The following GAS6 variants were observed in gnomAD, a reference collection of about 807,000 sequenced individuals.
The protein encoded by GAS6 is growth arrest-specific protein 6.
Under a neutral mutation model 75.8 loss-of-function variants are expected in GAS6, and 41 were observed. That is an observed-to-expected ratio of 0.54 (90% confidence interval 0.42 to 0.70). The LOEUF is 0.70. Ranked by LOEUF, GAS6 falls within the 30% of genes least tolerant of loss-of-function variation. The pLI is 0.00. For missense variants in GAS6, 854 were observed against 940.2 expected (o/e 0.91, Z 1.20); for synonymous variants, 432 against 412.6 (o/e 1.05, Z -0.57).
intron 2 of GAS6, among the ~76,000 whole-genome samples, chr13:113,860,485 T>A (rs2051962615): frequency 1.3e-5 from 2 of 151,890 alleles, no homozygotes; most frequent in Admixed American, 1.3e-4. Context: ...AAGGGGTGAT[T>A]ATGGAGACCT....
At chr13:113,838,785 G>C (rs955909682) in intron 5 of GAS6, among the ~76,000 whole-genome samples, 14 of 149,502 alleles carry the variant, frequency 9.4e-5, no homozygotes, top group Non-Finnish European at 1.3e-4. Context: ...AAGGGACCGC[G>C]GGTGTGCACA....
chr13:113,854,438 C>T (rs1314452155), intron 2 of GAS6, among the ~76,000 whole-genome samples: 2 of 152,252 alleles, frequency 1.3e-5, no homozygotes, highest in Non-Finnish European at 2.9e-5. Context: ...CGCCGAGACT[C>T]CCCCTGCATG....
At chr13:113,850,887 T>G (rs562103202) in intron 2 of GAS6, among the ~76,000 whole-genome samples, 5 of 152,234 alleles carry the variant, frequency 3.3e-5, no homozygotes, top group Admixed American at 6.5e-5. Context: ...AATGAATGAA[T>G]GGATGGATGA....
intron 12 of GAS6, among the ~76,000 whole-genome samples, 199 bp from the exon 13 acceptor site, chr13:113,823,749 C>G (rs933500658): frequency 6.6e-6 from 1 of 152,210 alleles, no homozygotes; most frequent in South Asian, 2.1e-4. Flanking sequence ...GACCCCCAGG[C>G]TGTTTCTCCC....
intron 2 of GAS6, among the ~76,000 whole-genome samples, chr13:113,850,209 C>CA (rs2051862520): frequency 6.6e-6 from 1 of 152,126 alleles, no homozygotes; most frequent in Non-Finnish European, 1.5e-5. Flanking sequence ...AAAACCCTCC[C>CA]ACCCCTGTCT....
rs2051511156 is a variant in GAS6, at chr13:113,824,656, G to A, written c.1478-1106C>T. On this transcript the variant is annotated intron_variant, in intron 12 of 14. Coordinates refer to ENST00000327773, the MANE Select transcript of GAS6 (RefSeq NM_000820.4). ...TGTGACTGGGCGCCTCGCACTGCAGGCCAAGGTTGGGGTCAGAGTGAATTG... is the reference window on the plus strand; with the variant it reads ...TGTGACTGGGCGCCTCGCACTGCAGACCAAGGTTGGGGTCAGAGTGAATTG... Among the ~76,000 whole-genome samples the A allele has an allele frequency of 2.0e-5, 3 of 152,148 alleles. 1 individual carries two copies. The South Asian group carries it at 6.2e-4, about 32-fold the overall frequency.
At position 113,859,234 on chromosome 13, in the gene GAS6, G is replaced by C. The variant is rs539028856; in HGVS notation, c.255+4341C>G. On this transcript the variant is annotated intron_variant, in intron 2 of 14. Coordinates refer to ENST00000327773, the MANE Select transcript of GAS6 (RefSeq NM_000820.4). ...ACTGTGTACGTATGTGTACATGTCTGTGTGTGCCTATGTATGCATGTCTGT... is the reference window on the plus strand; with the variant it reads ...ACTGTGTACGTATGTGTACATGTCTCTGTGTGCCTATGTATGCATGTCTGT... Among the ~76,000 whole-genome samples, 49 of 150,614 alleles carry C rather than the reference G, an allele frequency of 3.3e-4. No homozygotes were observed. In the East Asian group the frequency reaches 6.5e-3, roughly 20 times the overall value.
At chr13:113,838,763 T>C (rs1218086885) in intron 5 of GAS6, among the ~76,000 whole-genome samples, 4 of 116,412 alleles carry the variant, frequency 3.4e-5, no homozygotes, top group African/African-American at 6.7e-5. Flanking sequence ...AGCCCAGCAC[T>C]GGAGCAGGAG....
rs2051816852 is a variant in GAS6 at position 113,844,460 on chromosome 13, C to G, written c.343+2067G>C. On this transcript the variant is annotated intron_variant, in intron 4 of 14. Coordinates refer to ENST00000327773, the MANE Select transcript of GAS6 (RefSeq NM_000820.4). The surrounding 1 kb of genome is among the most constrained non-coding windows in gnomAD (Gnocchi z 5.7). ...CCAGAAGTGAACTGAGCAAAGGAAG[C>G]ACGGGACGCACAGGAAGAAAAGTGC... 1 of 150,524 alleles carries G rather than the reference C, an allele frequency of 6.6e-6. No homozygotes were observed. The highest frequency in any genetic ancestry group is 1.5e-5 in the Non-Finnish European group (1 of 68,040). 9.3% of individuals were successfully genotyped at this position (150,524 alleles called of 1,614,324 possible).
At chr13:113,822,309 C>A in intron 13 of GAS6, 123 bp from the exon 14 acceptor site, 1 of 713,218 alleles carries the variant, frequency 1.4e-6, no homozygotes. Flanking sequence ...TCCAGGGTTC[C>A]CTGCAGCCCT....
At chr13:113,851,055 A>G (rs962341875) in intron 2 of GAS6, among the ~76,000 whole-genome samples, 1 of 149,964 alleles carries the variant, frequency 6.7e-6, no homozygotes, top group Non-Finnish European at 1.5e-5. Flanking sequence ...GTGGATAGAG[A>G]TGGATGAATG....
At position 113,832,501 on chromosome 13, in the gene GAS6, A is replaced by G. The variant is rs2051641406; in HGVS notation, c.954-13T>C. ...CTCAGCTACCAGCCTGGGCACCCAC[A>G]GGAGAAATGAGTCAGCACTGGGCAC... is the stretch of plus-strand genomic sequence containing the variant. On this transcript the variant is annotated splice_polypyrimidine_tract_variant and intron_variant, in intron 9 of 14. Coordinates refer to ENST00000327773, the MANE Select transcript of GAS6 (RefSeq NM_000820.4). 2.5e-6 allele frequency: 4 copies of G among 1,594,310 alleles called. No individual in the cohort carries two copies. The highest frequency in any genetic ancestry group is 3.4e-6 in the Non-Finnish European group (4 of 1,168,314).
At chr13:113,857,816 G>A (rs527457894) in intron 2 of GAS6, among the ~76,000 whole-genome samples, 2 of 152,250 alleles carry the variant, frequency 1.3e-5, no homozygotes, top group Admixed American at 1.3e-4. Flanking sequence ...TGAGGGTGTC[G>A]TGTGCAGGGC....
At position 113,845,787 on chromosome 13, in the gene GAS6, G is replaced by A. The variant is rs954002222; in HGVS notation, c.343+740C>T. ...CCTGAAATGACTGATGTCATTTCTC[G>A]CCTGTTACATTGGAAGAGATCAAAA... On this transcript the variant is annotated intron_variant, in intron 4 of 14. Transcript: ENST00000327773. The surrounding 1 kb of genome is among the most constrained non-coding windows in gnomAD (Gnocchi z 4.3). 4.7e-5 allele frequency: 7 copies of A among 150,458 alleles called. No individual in the cohort carries two copies. Among genetic ancestry groups the A allele is most frequent in the South Asian group, 4.2e-4 (2 of 4,768 alleles). The allele number at this position is 150,458 out of a possible 1,614,324, so 9.3% of individuals were successfully genotyped here.
At chr13:113,857,265 C>A (rs568545042) in intron 2 of GAS6, among the ~76,000 whole-genome samples, 1 of 152,172 alleles carries the variant, frequency 6.6e-6, no homozygotes. Flanking sequence ...AATCAACACC[C>A]GTCAGTCAGA....
At position 113,823,179 on chromosome 13, in the gene GAS6, G is replaced by A. The variant is rs143900924; in HGVS notation, c.1653+196C>T. ...GCGCCGGCCCCCTCAGCTGTGTGGC[G>A]GTGACCTGGTGTCCAAACAACCCCC... On this transcript the variant is annotated intron_variant, in intron 13 of 14. Transcript: ENST00000327773. 3.2e-3 allele frequency: 1,786 copies of A among 563,282 alleles called. 15 individuals are homozygous for A. The highest frequency in any genetic ancestry group is 0.019 in the African/African-American group (992 of 52,604). The allele number at this position is 563,282 out of a possible 1,614,324, so 34.9% of individuals were successfully genotyped here.
chr13:113,849,066 T>C (rs6602908), intron 2 of GAS6, among the ~76,000 whole-genome samples: 79,379 of 152,086 alleles, frequency 0.52, 23,166 homozygotes, highest in African/African-American at 0.8. Flanking sequence ...TTGCTGGCCT[T>C]GCCACACCTT....
rs562371589 is a variant in GAS6 at position 113,828,820 on chromosome 13, C to T, written c.1144-109G>A. ...TCCTGAGCCAAGAGGGTCCCGACCT[C>T]GGGGAGGCCACCTGATCCTCACCTG... On this transcript the variant is annotated intron_variant, in intron 10 of 14. Transcript: ENST00000327773. The T allele has an allele frequency of 2.2e-4, 277 of 1,258,072 alleles. No homozygotes were observed. The African/African-American group carries it at 3.2e-3, about 14-fold the overall frequency. 77.9% of individuals were successfully genotyped at this position (1,258,072 alleles called of 1,614,324 possible).
chr13:113,821,016 C>T lies in GAS6; in HGVS notation c.1885G>A (p.Val629Met). The T allele has an allele frequency of 1.2e-6, 2 of 1,612,360 alleles. No homozygotes were observed. The highest frequency in any genetic ancestry group is 1.7e-6 in the Non-Finnish European group (2 of 1,179,820). The change falls in exon 15 of 15, where the codon GTG (valine) becomes ATG (methionine). Residue 629 changes from valine to methionine, a missense_variant and splice_region_variant. By Grantham distance (21) the Val-to-Met change is conservative. Transcript: ENST00000327773. ...GTGACTGGCGCTGAAGTCACCGGCA[C>T]ATCTGGGCCGCAGGGAGAGAACAAC... ...VLTFAGGLPDVPVTSAPVTAF... is the reference protein window; with the variant it reads ...VLTFAGGLPDMPVTSAPVTAF...
Sources: gnomAD v4.1 joint callset for allele counts (sites outside exome capture counted in the v4.1 genomes callset) on GRCh38, gnomAD v4.1.1 for gene constraint, Gnocchi (gnomAD v3.1) non-coding constraint, MANE v1.5 for transcripts, NCBI Gene and HGNC (gene_info 2026-07-23, HGNC 2026-07-21) for gene names.